SCML4: variants seen among roughly 807,000 people sequenced by gnomAD.
The protein encoded by SCML4 is sex comb on midleg-like protein 4.
A neutral mutation model predicts 41.1 loss-of-function variants in SCML4; 34 were observed. That is an observed-to-expected ratio of 0.83 (90% CI 0.63 to 1.10). The LOEUF is 1.10. SCML4 is among the 50% of genes least tolerant of loss of function. SCML4 has a pLI of 0.00. For missense variants in SCML4, 522 were observed against 534.1 expected (o/e 0.98, Z 0.22); for synonymous variants, 214 against 220.9 (o/e 0.97, Z 0.28).
chr6:107,815,148 C>A (rs1050575779), intron 1 of SCML4, among the ~76,000 whole-genome samples: 2 of 152,162 alleles, frequency 1.3e-5, no homozygotes, highest in African/African-American at 4.8e-5. Context: ...AAATGACTGG[C>A]AGCTCTGATC....
chr6:107,719,739 A>G (rs1047955255), intron 6 of SCML4: 2 of 197,586 alleles, frequency 1.0e-5, no homozygotes, highest in Admixed American at 6.5e-5. Context: ...CATTATTATT[A>G]TCACAATTTT....
At chr6:107,809,914 C>A (rs928047051) in intron 1 of SCML4, among the ~76,000 whole-genome samples, 1 of 152,144 alleles carries the variant, frequency 6.6e-6, no homozygotes, top group African/African-American at 2.4e-5. Context: ...GGAGGATTGC[C>A]TATTTTTCTT....
intron 5 of SCML4, among the ~76,000 whole-genome samples, chr6:107,739,705 G>A (rs1459655537): frequency 6.6e-6 from 1 of 152,114 alleles, no homozygotes; most frequent in African/African-American, 2.4e-5. Context: ...TTGTCACAAT[G>A]GTGAGAAAAT....
At chr6:107,809,364 C>G (rs1044240693) in intron 1 of SCML4, among the ~76,000 whole-genome samples, 2 of 152,138 alleles carry the variant, frequency 1.3e-5, no homozygotes, top group Non-Finnish European at 2.9e-5. Flanking sequence ...AGAACTGCAT[C>G]TTATAAAGAT....
chr6:107,842,967 TTTC>T, the SCML4 span, among the ~76,000 whole-genome samples: 1 of 152,162 alleles, frequency 6.6e-6, no homozygotes, highest in Non-Finnish European at 1.5e-5. Flanking sequence ...CTGCTCAGGC[TTTC>T]TTGTGGTTAA....
intron 1 of SCML4, among the ~76,000 whole-genome samples, chr6:107,799,666 A>G (rs1451298715): frequency 6.6e-6 from 1 of 151,148 alleles, no homozygotes; most frequent in Non-Finnish European, 1.5e-5. Flanking sequence ...TTTTTTTATA[A>G]TTTCTTTTCA....
At chr6:107,795,010 T>G (rs1782605258) in intron 1 of SCML4, among the ~76,000 whole-genome samples, 1 of 152,206 alleles carries the variant, frequency 6.6e-6, no homozygotes. Flanking sequence ...CAGCCCACCT[T>G]AATTTATGAC....
chr6:107,750,739 T>G (rs1270018876), intron 2 of SCML4, among the ~76,000 whole-genome samples: 2 of 152,134 alleles, frequency 1.3e-5, no homozygotes, highest in African/African-American at 4.8e-5. Context: ...CAATCAACCT[T>G]CTAGAGGGTC....
At chr6:107,721,057 T>C (rs1775357144) in intron 5 of SCML4, 64 bp from the exon 6 acceptor site, 2 of 1,509,972 alleles carry the variant, frequency 1.3e-6, no homozygotes, top group East Asian at 4.6e-5. Context: ...TATCAGACCC[T>C]CCGTCTTGGC....
At chr6:107,803,006 G>T (rs1358146716) in intron 1 of SCML4, among the ~76,000 whole-genome samples, 1 of 151,572 alleles carries the variant, frequency 6.6e-6, no homozygotes, top group Non-Finnish European at 1.5e-5. Flanking sequence ...TCGGCCTCCC[G>T]AGGTGCCGGG....
At chr6:107,734,987 T>G (rs371792120) in intron 5 of SCML4, among the ~76,000 whole-genome samples, 9 of 152,254 alleles carry the variant, frequency 5.9e-5, no homozygotes, top group East Asian at 5.8e-4. Context: ...GAAATTCTCC[T>G]CCCTCAGCCT....
intron 1 of SCML4, among the ~76,000 whole-genome samples, chr6:107,784,747 C>T (rs986838026): frequency 6.6e-5 from 10 of 152,300 alleles, no homozygotes; most frequent in East Asian, 1.9e-4. Flanking sequence ...TGCCCTAGTG[C>T]GTGGGAGGTG....
chr6:107,709,786 C>T (rs1774059217), intron 6 of SCML4, among the ~76,000 whole-genome samples: 1 of 152,190 alleles, frequency 6.6e-6, no homozygotes. Flanking sequence ...TTTCTGCTCA[C>T]TACAACCTCC....
At chr6:107,717,523 G>A (rs1733071740) in intron 6 of SCML4, among the ~76,000 whole-genome samples, 1 of 152,044 alleles carries the variant, frequency 6.6e-6, no homozygotes, top group South Asian at 2.1e-4. Context: ...CAGGGTCTCA[G>A]GCAAAGTTCT....
intron 2 of SCML4, among the ~76,000 whole-genome samples, chr6:107,750,492 A>G (rs531347522): frequency 6.6e-6 from 1 of 152,328 alleles, no homozygotes; most frequent in South Asian, 2.1e-4. Flanking sequence ...GTTACTCTTT[A>G]TATCAAGACT....
chr6:107,726,245 C>G (rs952070788), intron 5 of SCML4, among the ~76,000 whole-genome samples: 1 of 151,016 alleles, frequency 6.6e-6, no homozygotes, highest in Non-Finnish European at 1.5e-5. Flanking sequence ...AAGAGTTATT[C>G]TAGCTGGGCT....
chr6:107,765,264 C>T (rs980280361), intron 2 of SCML4, among the ~76,000 whole-genome samples: 1 of 152,174 alleles, frequency 6.6e-6, no homozygotes, highest in Admixed American at 6.5e-5. Flanking sequence ...GTCAGCCCAG[C>T]TGATGAGAAT....
intron 1 of SCML4, among the ~76,000 whole-genome samples, chr6:107,818,683 C>G (rs944197087): frequency 5.3e-5 from 8 of 152,228 alleles, no homozygotes; most frequent in African/African-American, 1.7e-4. Context: ...AATCCTGTCT[C>G]CAAAACCAAA....
intron 2 of SCML4, among the ~76,000 whole-genome samples, chr6:107,766,409 A>G (rs1056708088): frequency 6.6e-6 from 1 of 151,306 alleles, no homozygotes; most frequent in Non-Finnish European, 1.5e-5. Flanking sequence ...GCAGTGAGCT[A>G]TGATCTCGCT....
Sources: gnomAD v4.1 joint callset for allele counts (sites outside exome capture counted in the v4.1 genomes callset) on GRCh38, gnomAD v4.1.1 for gene constraint, MANE v1.5 for transcripts, NCBI Gene and HGNC (gene_info 2026-07-23, HGNC 2026-07-21) for gene names.